The following CELF2 variants were observed in gnomAD, a reference collection of about 807,000 sequenced individuals.
CELF2 encodes the protein CUGBP Elav-like family member 2.
Under a neutral mutation model 62.6 loss-of-function variants are expected in CELF2, and 8 were observed. The observed-to-expected ratio is 0.13, with a 90% CI of 0.07 to 0.23. CELF2 has a LOEUF of 0.23. CELF2 is among the 10% of genes least tolerant of loss of function. CELF2 has a pLI of 1.00. For missense variants in CELF2, 333 were observed against 671.0 expected (o/e 0.50, Z 5.56); for synonymous variants, 258 against 250.0 (o/e 1.03, Z -0.30).
chr10:11,136,068 A>G (rs2060389056), intron 1 of CELF2, among the ~76,000 whole-genome samples: 1 of 152,206 alleles, frequency 6.6e-6, no homozygotes, highest in Non-Finnish European at 1.5e-5. Flanking sequence ...ACAAAAACAG[A>G]TGCAGAACCT....
the CELF2 span, among the ~76,000 whole-genome samples, chr10:10,587,001 C>A: frequency 6.6e-6 from 1 of 152,134 alleles, no homozygotes; most frequent in Non-Finnish European, 1.5e-5. Context: ...GGTTGCTAGG[C>A]TGGTTTCTGC....
chr10:11,146,472 T>G (rs1403072039), intron 1 of CELF2, among the ~76,000 whole-genome samples: 2 of 152,254 alleles, frequency 1.3e-5, no homozygotes, highest in Non-Finnish European at 1.5e-5. Context: ...TTTGTTATCA[T>G]CTAAACAAGC....
chr10:10,953,846 A>T (rs1402819490), intron 2 of CELF2, among the ~76,000 whole-genome samples: 1 of 152,118 alleles, frequency 6.6e-6, no homozygotes. Context: ...AAACCAGAAA[A>T]AAAATTTGTA....
the CELF2 span, among the ~76,000 whole-genome samples, chr10:10,511,380 C>A: frequency 6.6e-6 from 1 of 151,924 alleles, no homozygotes; most frequent in African/African-American, 2.4e-5. Context: ...CCACTGCATT[C>A]CAGCCTGGGT....
chr10:10,560,402 A>G, the CELF2 span, among the ~76,000 whole-genome samples: 1 of 152,180 alleles, frequency 6.6e-6, no homozygotes, highest in African/African-American at 2.4e-5. Context: ...CAACCATCTA[A>G]TGTTTCCATT....
rs950506506 is a variant in CELF2 at position 11,178,758 on chromosome 10, A to T, written c.271+13076A>T. Among the ~76,000 whole-genome samples the T allele has an allele frequency of 3.9e-5, 6 of 152,292 alleles. No homozygotes were observed. The South Asian group carries it at 1.0e-3, about 26-fold the overall frequency. The stretch of plus-strand genomic sequence containing the variant: ...TCCAGACGGCTAGAATGCTCAGGAG[A>T]TAAGAGTGGGGCCTATCGCTCTGTG... On this transcript the variant is annotated intron_variant, in intron 2 of 12. Transcript: ENST00000633077. The surrounding 1 kb of genome is among the most constrained non-coding windows in gnomAD (Gnocchi z 4.3).
At chr10:11,064,410 G>A (rs944440806) in intron 1 of CELF2, among the ~76,000 whole-genome samples, 1 of 152,134 alleles carries the variant, frequency 6.6e-6, no homozygotes, top group Non-Finnish European at 1.5e-5. Flanking sequence ...CTATTATGAT[G>A]AAAGAAACAA....
rs1050142192 is a variant in CELF2 at position 11,220,681 on chromosome 10, A to T, written c.354+3174A>T. ...AAACCCTAGAAATACAATGGCAGTC[A>T]TAAAGGAAGCAAATTCAACAGCTCA... On this transcript the variant is annotated intron_variant, in intron 3 of 12. Transcript: ENST00000633077. This position sits in a 1 kb window ranked among gnomAD's most constrained non-coding sequence, Gnocchi z 4.4. Among the ~76,000 whole-genome samples, 1 of 152,232 alleles carries T rather than the reference A, an allele frequency of 6.6e-6. No individual in the cohort carries two copies. The highest frequency in any genetic ancestry group is 2.4e-5 in the African/African-American group (1 of 41,462).
In CELF2 at chr10:11,315,104, G is replaced by A. The variant is rs1387608235; in HGVS notation, c.1096+846G>A. On this transcript the variant is annotated intron_variant, in intron 10 of 12. Transcript: ENST00000633077. The surrounding 1 kb of genome is among the most constrained non-coding windows in gnomAD (Gnocchi z 5.8). ...CAGTGTGCCGGCCAGAGGATAAGTCGTGTTTTAGATTCATGCTCGGTGTGG... is the reference window on the plus strand; with the variant it reads ...CAGTGTGCCGGCCAGAGGATAAGTCATGTTTTAGATTCATGCTCGGTGTGG... 2.0e-5 allele frequency among the ~76,000 whole-genome samples: 3 copies of A among 152,132 alleles called. No individual in the cohort carries two copies. The highest frequency in any genetic ancestry group is 4.8e-5 in the African/African-American group (2 of 41,410).
At chr10:11,185,458 A>G (rs1036564734) in intron 2 of CELF2, among the ~76,000 whole-genome samples, 1 of 152,136 alleles carries the variant, frequency 6.6e-6, no homozygotes, top group Non-Finnish European at 1.5e-5. Flanking sequence ...CTTGTCACCC[A>G]GGCTAGAGTT....
In CELF2 at chr10:10,957,624, C is replaced by T. The variant is rs529680153; in HGVS notation, c.89+37625C>T. Among the ~76,000 whole-genome samples the T allele has an allele frequency of 1.2e-3, 176 of 152,292 alleles. 1 individual carries two copies. Among genetic ancestry groups the T allele is most frequent in the Non-Finnish European group, 2.1e-3 (143 of 68,022 alleles). The stretch of plus-strand genomic sequence containing the variant: ...TGGGCAACCTCTTACCTGAAGAACA[C>T]GTTCAGGATCACTTCTGTGCTCCCG... On this transcript the variant is annotated intron_variant, in intron 2 of 13. Transcript: ENST00000636488. This position sits in a 1 kb window ranked among gnomAD's most constrained non-coding sequence, Gnocchi z 4.1.
intron 1 of CELF2, among the ~76,000 whole-genome samples, chr10:10,822,459 G>A (rs1204043125): frequency 6.6e-6 from 1 of 152,176 alleles, no homozygotes; most frequent in Non-Finnish European, 1.5e-5. Flanking sequence ...TTTATAAGTT[G>A]GCAAAGCTGC....
intron 1 of CELF2, among the ~76,000 whole-genome samples, chr10:11,038,325 G>GA (rs1441434184): frequency 6.6e-6 from 1 of 152,136 alleles, no homozygotes; most frequent in African/African-American, 2.4e-5. Context: ...ATTCCTAAGA[G>GA]AAAAAATGCT....
chr10:11,030,039 T>C (rs957450028), intron 1 of CELF2, among the ~76,000 whole-genome samples: 1 of 152,206 alleles, frequency 6.6e-6, no homozygotes, highest in African/African-American at 2.4e-5. Flanking sequence ...CAAGTAATAA[T>C]CGTGCAGACC....
At chr10:11,056,884 G>A (rs1302719058) in intron 1 of CELF2, among the ~76,000 whole-genome samples, 1 of 152,164 alleles carries the variant, frequency 6.6e-6, no homozygotes, top group Non-Finnish European at 1.5e-5. Flanking sequence ...AGTACTGGGG[G>A]AAGTCTGTGC....
At chr10:10,714,568 G>A in the CELF2 span, among the ~76,000 whole-genome samples, 1 of 152,166 alleles carries the variant, frequency 6.6e-6, no homozygotes, top group African/African-American at 2.4e-5. Flanking sequence ...TTGAGATCAA[G>A]AGTGCCTGCA....
At chr10:10,647,084 G>T in the CELF2 span, among the ~76,000 whole-genome samples, 1 of 152,142 alleles carries the variant, frequency 6.6e-6, no homozygotes, top group Non-Finnish European at 1.5e-5. Context: ...ACTTAATTCT[G>T]ATTTCTGAGC....
At chr10:11,035,984 T>A (rs1283635680) in intron 1 of CELF2, among the ~76,000 whole-genome samples, 1 of 152,228 alleles carries the variant, frequency 6.6e-6, no homozygotes. Context: ...TCCCTGGTAG[T>A]AATGTTGACA....
chr10:10,688,750 G>A, the CELF2 span, among the ~76,000 whole-genome samples: 5 of 152,132 alleles, frequency 3.3e-5, no homozygotes, highest in African/African-American at 4.8e-5. Flanking sequence ...GCTCATGCCT[G>A]TAATCCAAAC....
Sources: gnomAD v4.1 joint callset for allele counts (sites outside exome capture counted in the v4.1 genomes callset) on GRCh38, gnomAD v4.1.1 for gene constraint, Gnocchi (gnomAD v3.1) non-coding constraint, MANE v1.5 for transcripts, NCBI Gene and HGNC (gene_info 2026-07-23, HGNC 2026-07-21) for gene names.